The following MSRA variants were observed in gnomAD, a reference collection of about 807,000 sequenced individuals.
MSRA encodes mitochondrial peptide methionine sulfoxide reductase.
Under a neutral mutation model 31.3 loss-of-function variants are expected in MSRA, and 54 were observed. The observed-to-expected ratio is 1.73, with a 90% CI of 1.39 to 2.17. The LOEUF (loss-of-function observed/expected upper bound fraction) is 2.17, where lower values mean the gene tolerates loss of function less well. Ranked by LOEUF, MSRA falls within the 30% of genes most tolerant of loss-of-function variation. The pLI is 0.00. For missense variants in MSRA, 507 were observed against 300.9 expected (o/e 1.69, Z -5.07); for synonymous variants, 169 against 116.5 (o/e 1.45, Z -2.90).
intron 3 of MSRA, among the ~76,000 whole-genome samples, chr8:10,249,388 C>T (rs577648115): frequency 2.6e-5 from 4 of 152,118 alleles, no homozygotes; most frequent in Admixed American, 6.6e-5. Flanking sequence ...GAGTTTTGGT[C>T]GGACCTCCAT....
intron 3 of MSRA, among the ~76,000 whole-genome samples, chr8:10,247,634 G>C (rs529286855): frequency 6.6e-6 from 1 of 152,136 alleles, no homozygotes; most frequent in African/African-American, 2.4e-5. Context: ...TAAAGAACTC[G>C]ATTGGATATG....
chr8:10,105,733 C>T (rs1585157501), intron 1 of MSRA, among the ~76,000 whole-genome samples: 1 of 152,160 alleles, frequency 6.6e-6, no homozygotes, highest in Non-Finnish European at 1.5e-5. Flanking sequence ...GAGAAATGCA[C>T]ACTGTTGGGG....
chr8:10,180,185 C>T (rs1205897674), intron 1 of MSRA, among the ~76,000 whole-genome samples: 2 of 152,172 alleles, frequency 1.3e-5, no homozygotes, highest in Non-Finnish European at 2.9e-5. Context: ...ACAACCCCCT[C>T]CTTAGGTTTG....
At chr8:10,195,088 T>C (rs929228041) in intron 1 of MSRA, among the ~76,000 whole-genome samples, 2 of 152,222 alleles carry the variant, frequency 1.3e-5, no homozygotes, top group African/African-American at 4.8e-5. Flanking sequence ...ATAACAATGC[T>C]GATTATTGCA....
intron 5 of MSRA, among the ~76,000 whole-genome samples, chr8:10,377,781 A>C (rs1563411392): frequency 6.6e-6 from 1 of 152,180 alleles, no homozygotes; most frequent in Non-Finnish European, 1.5e-5. Context: ...TGACTCTTTC[A>C]GAGGAGGGTT....
intron 3 of MSRA, among the ~76,000 whole-genome samples, chr8:10,261,870 CACCCTCACA>C (rs1284182401): frequency 6.6e-6 from 1 of 152,184 alleles, no homozygotes; most frequent in Non-Finnish European, 1.5e-5. Context: ...TTCATCTCTC[CACCCTCACA>C]AACCCCTGGC....
chr8:10,143,274 A>T (rs1023295577), intron 1 of MSRA, among the ~76,000 whole-genome samples: 1 of 152,292 alleles, frequency 6.6e-6, no homozygotes, highest in Non-Finnish European at 1.5e-5. Context: ...GAGTGTTTAG[A>T]AAAAAGAGAG....
At chr8:10,245,005 C>CTTTTTTT in intron 2 of MSRA, 99 bp from the exon 3 acceptor site, 1 of 908,440 alleles carries the variant, frequency 1.1e-6, no homozygotes, top group African/African-American at 1.7e-5. Flanking sequence ...ACAGGAGCAA[C>CTTTTTTT]TTTTTTTTTT....
intron 5 of MSRA, among the ~76,000 whole-genome samples, chr8:10,346,939 C>G (rs1306079129): frequency 6.6e-6 from 1 of 152,128 alleles, no homozygotes; most frequent in African/African-American, 2.4e-5. Context: ...AGACTAGTGT[C>G]CATTTGTATC....
At chr8:10,090,843 C>G (rs1311813169) in intron 1 of MSRA, among the ~76,000 whole-genome samples, 1 of 152,194 alleles carries the variant, frequency 6.6e-6, no homozygotes, top group Non-Finnish European at 1.5e-5. Flanking sequence ...AAGGCCCATC[C>G]ATGCCATTGC....
At chr8:10,281,469 C>G (rs766839392) in intron 3 of MSRA, among the ~76,000 whole-genome samples, 7 of 152,204 alleles carry the variant, frequency 4.6e-5, no homozygotes, top group African/African-American at 1.7e-4. Context: ...ATGGCACAGC[C>G]TTGACAATGC....
intron 4 of MSRA, among the ~76,000 whole-genome samples, chr8:10,306,636 A>T (rs781010073): frequency 2.0e-5 from 3 of 152,222 alleles, no homozygotes; most frequent in Non-Finnish European, 4.4e-5. Context: ...TTCTTCTCAC[A>T]GAGTAATCTA....
chr8:10,205,759 A>T (rs1563216983), intron 1 of MSRA, among the ~76,000 whole-genome samples: 1 of 152,244 alleles, frequency 6.6e-6, no homozygotes, highest in Non-Finnish European at 1.5e-5. Flanking sequence ...TTCTTCTGCC[A>T]GTCTTTTCAC....
intron 5 of MSRA, among the ~76,000 whole-genome samples, chr8:10,367,904 C>A (rs952007611): frequency 1.3e-5 from 2 of 152,220 alleles, no homozygotes; most frequent in African/African-American, 4.8e-5. Context: ...TAAGACTCTG[C>A]TCGTTTGTCC....
intron 2 of MSRA, among the ~76,000 whole-genome samples, chr8:10,220,051 C>T (rs1242534230): frequency 1.3e-5 from 2 of 151,642 alleles, no homozygotes; most frequent in African/African-American, 4.9e-5. Context: ...TACCTTAGGC[C>T]CAAGTAGTGT....
intron 1 of MSRA, among the ~76,000 whole-genome samples, chr8:10,091,656 G>T (rs1798860589): frequency 6.6e-6 from 1 of 151,372 alleles, no homozygotes; most frequent in Non-Finnish European, 1.5e-5. Flanking sequence ...ACCCAGGCTG[G>T]AGTGCAATGG....
chr8:10,323,187 G>T (rs1371156038), intron 5 of MSRA, among the ~76,000 whole-genome samples: 2 of 151,740 alleles, frequency 1.3e-5, no homozygotes, highest in African/African-American at 4.8e-5. Flanking sequence ...AACCAGGCAG[G>T]ACACTACACT....
At chr8:10,193,785 C>G (rs934022883) in intron 1 of MSRA, among the ~76,000 whole-genome samples, 2 of 152,094 alleles carry the variant, frequency 1.3e-5, no homozygotes, top group African/African-American at 4.8e-5. Flanking sequence ...AGCCATGGGA[C>G]CAAGTCTGCT....
At chr8:10,283,885 C>T (rs1484951572) in intron 3 of MSRA, among the ~76,000 whole-genome samples, 29 of 128,780 alleles carry the variant, frequency 2.3e-4, no homozygotes, top group Non-Finnish European at 1.8e-4. Flanking sequence ...ATTACAGTTT[C>T]TTTATCTACT....
Sources: gnomAD v4.1 joint callset for allele counts (sites outside exome capture counted in the v4.1 genomes callset) on GRCh38, gnomAD v4.1.1 for gene constraint, MANE v1.5 for transcripts, NCBI Gene and HGNC (gene_info 2026-07-23, HGNC 2026-07-21) for gene names.